The following SNCAIP variants were observed in gnomAD, a reference collection of about 807,000 sequenced individuals.
SNCAIP encodes the protein synphilin-1.
In SNCAIP, 43 loss-of-function variants were observed where a neutral mutation model predicts 86.7. The observed-to-expected ratio is 0.50, with a 90% CI of 0.39 to 0.64. The LOEUF (loss-of-function observed/expected upper bound fraction) is 0.64, where lower values mean the gene tolerates loss of function less well. Ranked by LOEUF, SNCAIP falls within the 30% of genes least tolerant of loss-of-function variation. The pLI, the probability that SNCAIP is intolerant of heterozygous loss-of-function variation, is 0.00. For synonymous variants in SNCAIP, 417 were observed against 427.2 expected (o/e 0.98, Z 0.29); for missense variants, 981 against 1,103.1 (o/e 0.89, Z 1.57).
At chr5:122,358,868 G>T (rs1761651006) in intron 1 of SNCAIP, among the ~76,000 whole-genome samples, 1 of 152,092 alleles carries the variant, frequency 6.6e-6, no homozygotes, top group Admixed American at 6.6e-5. Context: ...ATAAATTGTT[G>T]CTATGAACTT....
intron 3 of SNCAIP, among the ~76,000 whole-genome samples, chr5:122,412,360 G>C (rs749910443): frequency 6.6e-6 from 1 of 152,064 alleles, no homozygotes; most frequent in Non-Finnish European, 1.5e-5. Flanking sequence ...GGAAGGTCAC[G>C]GCTTCCATGC....
intron 3 of SNCAIP, among the ~76,000 whole-genome samples, chr5:122,414,707 T>TA (rs1369154372): frequency 6.6e-6 from 1 of 152,224 alleles, no homozygotes; most frequent in Non-Finnish European, 1.5e-5. Flanking sequence ...ATGTGAATTA[T>TA]ATCTTTAGGG....
At chr5:122,382,148 TTTCCA>T (rs968597142) in intron 1 of SNCAIP, among the ~76,000 whole-genome samples, 1 of 152,204 alleles carries the variant, frequency 6.6e-6, no homozygotes, top group Admixed American at 6.5e-5. Flanking sequence ...TTCCAACTTG[TTTCCA>T]TTCTCCCCAT....
At chr5:122,437,681 A>C (rs1039730614) in intron 6 of SNCAIP, among the ~76,000 whole-genome samples, 1 of 152,228 alleles carries the variant, frequency 6.6e-6, no homozygotes, top group African/African-American at 2.4e-5. Flanking sequence ...ATTGGTTAGA[A>C]TCTTTCATTG....
At chr5:122,442,791 G>C (rs28654742) in intron 7 of SNCAIP, among the ~76,000 whole-genome samples, 5,274 of 152,214 alleles carry the variant, frequency 0.035, 275 homozygotes, top group African/African-American at 0.11. Context: ...GACAGTCTTT[G>C]CTTTTAGAGC....
At chr5:122,458,744 G>T (rs1561823223) in intron 10 of SNCAIP, among the ~76,000 whole-genome samples, 2 of 152,166 alleles carry the variant, frequency 1.3e-5, no homozygotes, top group Non-Finnish European at 2.9e-5. Flanking sequence ...TGCTCTGCCA[G>T]GATAAGGCCT....
At chr5:122,312,205 C>G (rs991383178), upstream of SNCAIP, 4 of 151,720 alleles carry the variant, frequency 2.6e-5, no homozygotes, top group African/African-American at 7.3e-5. Context: ...TGAGGCTGTT[C>G]TGCTCCTGCC....
At chr5:122,460,631 G>A (rs1218360304) in intron 10 of SNCAIP, among the ~76,000 whole-genome samples, 1 of 152,032 alleles carries the variant, frequency 6.6e-6, no homozygotes. Context: ...AGCTAAATCA[G>A]TATTCAGTGT....
chr5:122,349,956 T>C (rs1759431482), intron 1 of SNCAIP, among the ~76,000 whole-genome samples: 1 of 152,200 alleles, frequency 6.6e-6, no homozygotes, highest in Non-Finnish European at 1.5e-5. Context: ...CAAATATCCT[T>C]TGTAAAGAGC....
chr5:122,409,879 A>G (rs10056327), intron 3 of SNCAIP, among the ~76,000 whole-genome samples: 5,825 of 152,270 alleles, frequency 0.038, 364 homozygotes, highest in African/African-American at 0.13. Context: ...TAAAAGCTTG[A>G]AAGTGAAGGT....
chr5:122,365,175 C>A (rs1005194418), intron 1 of SNCAIP, among the ~76,000 whole-genome samples: 1 of 152,140 alleles, frequency 6.6e-6, no homozygotes, highest in African/African-American at 2.4e-5. Flanking sequence ...TTTGCTTTCC[C>A]TAATTCCCTG....
chr5:122,452,441 G>A (rs936232093), intron 10 of SNCAIP, among the ~76,000 whole-genome samples: 3 of 152,160 alleles, frequency 2.0e-5, no homozygotes, highest in Non-Finnish European at 2.9e-5. Context: ...CAGTGGAGCT[G>A]CAGAATCTTT....
intron 10 of SNCAIP, among the ~76,000 whole-genome samples, chr5:122,453,444 CAGG>C (rs1298153089): frequency 6.6e-6 from 1 of 152,176 alleles, no homozygotes; most frequent in Non-Finnish European, 1.5e-5. Context: ...TTGCTGATCT[CAGG>C]AGAAGCAAGG....
chr5:122,425,433 C>T lies in SNCAIP; in HGVS notation c.1084C>T (p.His362Tyr). Residue 362 changes from histidine to tyrosine, a missense_variant, in exon 5 of 11, where the codon CAC becomes TAC. Transcript: ENST00000261368. The part of the protein sequence containing the change: ...NLLHIAASQG[H>Y]AECLQHLTSL... ...ATTACATATTGCGGCGTCACAGGGA[C>T]ACGCAGAGTGTCTACAGCACCTCAC... 1 of 1,613,634 alleles carries T rather than the reference C, an allele frequency of 6.2e-7. No individual in the cohort carries two copies. Among genetic ancestry groups the T allele is most frequent in the East Asian group, 2.2e-5 (1 of 44,864 alleles).
At chr5:122,314,161 G>A in intron 1 of SNCAIP, among the ~76,000 whole-genome samples, 1 of 152,208 alleles carries the variant, frequency 6.6e-6, no homozygotes. Context: ...CAGTGGAAAT[G>A]CAAGCCAAGA....
intron 3 of SNCAIP, among the ~76,000 whole-genome samples, chr5:122,411,528 T>C (rs1774118809): frequency 6.6e-6 from 1 of 152,096 alleles, no homozygotes; most frequent in Non-Finnish European, 1.5e-5. Flanking sequence ...AGATCACCCC[T>C]TTTTATCCAC....
intron 3 of SNCAIP, among the ~76,000 whole-genome samples, chr5:122,409,157 A>G (rs996147348): frequency 6.6e-6 from 1 of 152,226 alleles, no homozygotes; most frequent in African/African-American, 2.4e-5. Flanking sequence ...CTTAATATCT[A>G]CTACTCATGT....
At chr5:122,389,736 A>AAACATGGAAGT (rs1212172155) in intron 1 of SNCAIP, 3 of 152,234 alleles carry the variant, frequency 2.0e-5, no homozygotes, top group Non-Finnish European at 2.9e-5. Flanking sequence ...AATCTCATTT[A>AAACATGGAAGT]AACATGGAAG....
At chr5:122,409,212 A>G (rs1030991172) in intron 3 of SNCAIP, among the ~76,000 whole-genome samples, 1 of 152,224 alleles carries the variant, frequency 6.6e-6, no homozygotes, top group African/African-American at 2.4e-5. Flanking sequence ...ATTCTTCTCT[A>G]TGGTTTTCTC....
Sources: allele counts gnomAD v4.1 joint callset (sites outside exome capture counted in the v4.1 genomes callset), GRCh38; gene constraint gnomAD v4.1.1; transcripts MANE v1.5; gene names NCBI Gene and HGNC (gene_info 2026-07-23, HGNC 2026-07-21).